Variants in TPD52L1 observed in about 807,000 individuals in gnomAD.
The protein encoded by TPD52L1 is TPD52 like 1, also known as tumor protein D53.
In TPD52L1, 18 loss-of-function variants were observed where a neutral mutation model predicts 28.7. That is an observed-to-expected ratio of 0.63 (90% CI 0.43 to 0.93). The LOEUF (loss-of-function observed/expected upper bound fraction) is 0.93, where lower values mean the gene tolerates loss of function less well. Among genes scored for constraint, TPD52L1 ranks in the 40% least tolerant of loss-of-function variants. The pLI, the probability that TPD52L1 is intolerant of heterozygous loss-of-function variation, is 0.00. For synonymous variants in TPD52L1, 75 were observed against 88.8 expected (o/e 0.84, Z 0.88); for missense variants, 203 against 254.8 (o/e 0.80, Z 1.39).
intron 1 of TPD52L1, chr6:125,214,467 A>C (rs1794723103): frequency 1.0e-6 from 1 of 984,052 alleles, no homozygotes; most frequent in African/African-American, 1.7e-5. Flanking sequence ...CTCCTCGGTA[A>C]GTCCTAGATA....
chr6:125,174,167 G>A (rs1393269177), intron 1 of TPD52L1, among the ~76,000 whole-genome samples: 1 of 152,152 alleles, frequency 6.6e-6, no homozygotes, highest in Non-Finnish European at 1.5e-5. Context: ...GGCAATGAAA[G>A]AGAAAAGCGA....
chr6:125,229,836 C>G (rs183200962), intron 3 of TPD52L1, among the ~76,000 whole-genome samples: 405 of 152,252 alleles, frequency 2.7e-3, no homozygotes, highest in Non-Finnish European at 4.9e-3. Context: ...CCTGTAATCC[C>G]AGCACTTTGG....
intron 1 of TPD52L1, among the ~76,000 whole-genome samples, chr6:125,159,072 G>T (rs1790336045): frequency 6.6e-6 from 1 of 152,200 alleles, no homozygotes; most frequent in Admixed American, 6.5e-5. Context: ...GTTGCCGAAG[G>T]CTGAGGTGGC....
intron 3 of TPD52L1, among the ~76,000 whole-genome samples, chr6:125,236,078 G>A (rs948596365): frequency 1.3e-5 from 2 of 152,106 alleles, no homozygotes; most frequent in African/African-American, 4.8e-5. Context: ...AGGCACCCTG[G>A]ACTAGGCCCT....
At chr6:125,250,910 C>T (rs981747914) in intron 4 of TPD52L1, among the ~76,000 whole-genome samples, 9 of 152,012 alleles carry the variant, frequency 5.9e-5, no homozygotes, top group Non-Finnish European at 1.3e-4. Context: ...AAATACAATC[C>T]TGAAATATTT....
intron 1 of TPD52L1, among the ~76,000 whole-genome samples, chr6:125,210,881 A>C (rs1053124223): frequency 6.6e-6 from 1 of 152,206 alleles, no homozygotes; most frequent in Non-Finnish European, 1.5e-5. Context: ...TCACAGTTAC[A>C]AAGTTGAAAA....
At chr6:125,175,009 A>G (rs1263888433) in intron 1 of TPD52L1, among the ~76,000 whole-genome samples, 2 of 152,172 alleles carry the variant, frequency 1.3e-5, no homozygotes, top group Non-Finnish European at 2.9e-5. Flanking sequence ...GTGTTTATTT[A>G]CATATATATG....
intron 1 of TPD52L1, among the ~76,000 whole-genome samples, chr6:125,212,102 G>T (rs1794561266): frequency 6.6e-6 from 1 of 152,080 alleles, no homozygotes; most frequent in Non-Finnish European, 1.5e-5. Context: ...GAAGTTTTAT[G>T]TTAAGGAATG....
At chr6:125,256,992 C>A in intron 5 of TPD52L1, 106 bp from the exon 6 acceptor site, 1 of 932,344 alleles carries the variant, frequency 1.1e-6, no homozygotes, top group South Asian at 1.8e-5. Flanking sequence ...TGACAGGTAG[C>A]TCTGTGGCAG....
At position 125,257,269 on chromosome 6, in the gene TPD52L1, A is replaced by C. The variant is rs540210761; in HGVS notation, c.486+111A>C. ...GGGCCAAGAAGGCAGGCTTGCATCA[A>C]GTCAGACCTTTTCTTTCACATATAA... is the stretch of plus-strand genomic sequence containing the variant. On this transcript the variant is annotated intron_variant, in intron 6 of 6. Transcript: ENST00000534000. The C allele has an allele frequency of 4.7e-5, 36 of 767,580 alleles. No homozygotes were observed. In the Middle Eastern group the frequency reaches 9.7e-4, roughly 21 times the overall value. 47.5% of individuals were successfully genotyped at this position (767,580 alleles called of 1,614,324 possible).
intron 1 of TPD52L1, among the ~76,000 whole-genome samples, chr6:125,197,014 C>G (rs1582907015): frequency 6.6e-6 from 1 of 152,228 alleles, no homozygotes; most frequent in African/African-American, 2.4e-5. Flanking sequence ...CTGAATCTCC[C>G]ACTGGGGTTG....
chr6:125,171,018 CTGGCTGATTTTGGGGG>C (rs1478563268), intron 1 of TPD52L1, among the ~76,000 whole-genome samples: 1 of 152,122 alleles, frequency 6.6e-6, no homozygotes. Context: ...TGACCAAGGG[CTGGCTGATTTTGGGGG>C]TGGCAATGAG....
intron 3 of TPD52L1, among the ~76,000 whole-genome samples, chr6:125,233,368 G>A (rs1379158268): frequency 6.6e-6 from 1 of 152,142 alleles, no homozygotes; most frequent in East Asian, 1.9e-4. Context: ...TTAATGGTCA[G>A]GAATTCTTAT....
intron 1 of TPD52L1, among the ~76,000 whole-genome samples, chr6:125,208,190 T>C (rs9491330): frequency 0.022 from 3,350 of 152,294 alleles, 120 homozygotes; most frequent in African/African-American, 0.076. Context: ...TTGGTTGCAA[T>C]TGAAGTTCTT....
chr6:125,257,015 C>A, intron 5 of TPD52L1, 83 bp from the exon 6 acceptor site: 1 of 1,226,890 alleles, frequency 8.2e-7, no homozygotes, highest in Non-Finnish European at 1.1e-6. Flanking sequence ...GCCGTGTTTA[C>A]AGATATGAGC....
intron 2 of TPD52L1, among the ~76,000 whole-genome samples, chr6:125,221,636 G>T (rs1795239524): frequency 6.6e-6 from 1 of 152,154 alleles, no homozygotes; most frequent in South Asian, 2.1e-4. Flanking sequence ...AATGTCAACA[G>T]TGAGCATGAT....
Position 125,263,185 on chromosome 6 carries a change from T to C in TPD52L1, c.*223T>C. 1 of 547,256 alleles carries C rather than the reference T, an allele frequency of 1.8e-6. No homozygotes were observed. The highest frequency in any genetic ancestry group is 3.2e-6 in the Non-Finnish European group (1 of 316,154). 33.9% of individuals were successfully genotyped at this position (547,256 alleles called of 1,614,324 possible). On this transcript the variant is annotated 3_prime_UTR_variant, in exon 7 of 7. Transcript: ENST00000534000. ...TCAGTATTCATAGATGACTGTCACA[T>C]TTTAAAATGTTCCCACTTGAGCAGG...
chr6:125,157,246 T>C lies in TPD52L1; in HGVS notation c.19+3276T>C, dbSNP rs1582820620. ...TAAGCAGGCAGTTGCTGATGAGTTG[T>C]ACCTCATATTGTCCAGGAAGACACC... On this transcript the variant is annotated intron_variant, in intron 1 of 6. Transcript: ENST00000534000. 7.9e-5 allele frequency among the ~76,000 whole-genome samples: 12 copies of C among 152,350 alleles called. No individual in the cohort carries two copies. In the South Asian group the frequency reaches 2.5e-3, roughly 32 times the overall value.
intron 1 of TPD52L1, among the ~76,000 whole-genome samples, chr6:125,171,770 C>T (rs1369115877): frequency 6.6e-6 from 1 of 152,174 alleles, no homozygotes; most frequent in Non-Finnish European, 1.5e-5. Flanking sequence ...AGACCCTGGG[C>T]AGAGGACCCA....
Sources: gnomAD v4.1 joint callset for allele counts (sites outside exome capture counted in the v4.1 genomes callset) on GRCh38, gnomAD v4.1.1 for gene constraint, MANE v1.5 for transcripts, NCBI Gene and HGNC (gene_info 2026-07-23, HGNC 2026-07-21) for gene names.